The following LARGE1 variants were observed in gnomAD, a reference collection of about 807,000 sequenced individuals.
LARGE1 encodes LARGE xylosyl- and glucuronyltransferase 1.
In LARGE1, 43 loss-of-function variants were observed where a neutral mutation model predicts 87.6. The observed-to-expected ratio is 0.49, with a 90% CI of 0.38 to 0.63. LARGE1 has a LOEUF of 0.63. Ranked by LOEUF, LARGE1 falls within the 30% of genes least tolerant of loss-of-function variation. The pLI is 0.00. For missense variants in LARGE1, 802 were observed against 1,000.2 expected, an observed-to-expected ratio of 0.80 and a Z score of 2.67; for synonymous variants, 434 against 394.6, an observed-to-expected ratio of 1.10 and a Z score of -1.18.
At chr22:33,478,341 C>A (rs1476636123) in intron 6 of LARGE1, among the ~76,000 whole-genome samples, 3 of 152,220 alleles carry the variant, frequency 2.0e-5, no homozygotes, top group Non-Finnish European at 4.4e-5. Context: ...CAGGCTTAAA[C>A]CAGTTTCACC....
intron 9 of LARGE1, among the ~76,000 whole-genome samples, chr22:33,374,455 CTA>C (rs1367502621): frequency 1.3e-5 from 2 of 152,180 alleles, no homozygotes; most frequent in African/African-American, 4.8e-5. Flanking sequence ...GTAAGTTTCT[CTA>C]TCGTCTTTTG....
At chr22:33,542,225 C>T (rs2077233867) in intron 6 of LARGE1, among the ~76,000 whole-genome samples, 1 of 150,716 alleles carries the variant, frequency 6.6e-6, no homozygotes, top group African/African-American at 2.4e-5. Context: ...CCAGATCTGT[C>T]TCCAGAGATA....
chr22:33,242,119 A>G (rs1484942272), intron 11 of LARGE1, among the ~76,000 whole-genome samples: 2 of 152,126 alleles, frequency 1.3e-5, no homozygotes, highest in African/African-American at 4.8e-5. Flanking sequence ...CAATAAATAT[A>G]TTTAAAATAT....
At chr22:33,567,014 A>T (rs1313478892) in intron 5 of LARGE1, among the ~76,000 whole-genome samples, 1 of 152,152 alleles carries the variant, frequency 6.6e-6, no homozygotes, top group East Asian at 1.9e-4. Context: ...GTGGGGAAAA[A>T]GGACAGAAGT....
intron 11 of LARGE1, among the ~76,000 whole-genome samples, chr22:33,307,309 A>G (rs546063437): frequency 6.6e-6 from 1 of 152,352 alleles, no homozygotes; most frequent in East Asian, 1.9e-4. Context: ...TCACGCAGTT[A>G]CAAAGTGAAG....
the LARGE1 span, among the ~76,000 whole-genome samples, chr22:33,140,123 T>C: frequency 1.3e-5 from 2 of 152,274 alleles, no homozygotes; most frequent in East Asian, 3.9e-4. Flanking sequence ...AAGGGCTTGG[T>C]GGAAGAACTC....
chr22:33,462,450 G>GA (rs958963390), intron 6 of LARGE1, among the ~76,000 whole-genome samples: 24 of 150,466 alleles, frequency 1.6e-4, no homozygotes, highest in South Asian at 4.2e-4. Flanking sequence ...AGAATAGTGA[G>GA]AAAAAAAAAC....
chr22:33,179,084 C>T (rs11913307), intron 11 of LARGE1, among the ~76,000 whole-genome samples: 34 of 152,178 alleles, frequency 2.2e-4, no homozygotes, highest in African/African-American at 8.0e-4. Context: ...CCAACAGTCC[C>T]ATCATGGGGG....
intron 1 of LARGE1, among the ~76,000 whole-genome samples, chr22:33,807,350 C>G (rs1383817031): frequency 6.6e-6 from 1 of 152,156 alleles, no homozygotes; most frequent in Non-Finnish European, 1.5e-5. Context: ...CTTTCGTAAC[C>G]AGGTCTTTAG....
intron 1 of LARGE1, among the ~76,000 whole-genome samples, chr22:33,783,133 T>C (rs181666941): frequency 1.6e-4 from 25 of 152,232 alleles, no homozygotes; most frequent in Admixed American, 1.2e-3. Flanking sequence ...GCTTGTTTTC[T>C]AGGTCTCCTA....
intron 7 of LARGE1, among the ~76,000 whole-genome samples, chr22:33,390,169 T>A (rs1322315956): frequency 1.3e-5 from 2 of 152,184 alleles, no homozygotes; most frequent in Non-Finnish European, 2.9e-5. Flanking sequence ...TTCCAGAACG[T>A]TTACTAAATA....
chr22:33,523,890 T>C (rs1001432456), intron 6 of LARGE1, among the ~76,000 whole-genome samples: 3 of 152,176 alleles, frequency 2.0e-5, no homozygotes, highest in Admixed American at 6.5e-5. Flanking sequence ...ACAATATGTG[T>C]GTATAGTTCT....
At chr22:33,278,104 T>C (rs1929692480) in intron 13 of LARGE1, among the ~76,000 whole-genome samples, 1 of 152,310 alleles carries the variant, frequency 6.6e-6, no homozygotes, top group East Asian at 1.9e-4. Flanking sequence ...AAATGGGAGA[T>C]GATTGAATCA....
chr22:33,262,949 G>T (rs955572219), intron 11 of LARGE1, among the ~76,000 whole-genome samples: 1 of 150,814 alleles, frequency 6.6e-6, no homozygotes, highest in African/African-American at 2.4e-5. Flanking sequence ...TTGGACTGCA[G>T]TGGACTGATC....
intron 6 of LARGE1, among the ~76,000 whole-genome samples, chr22:33,519,132 C>T (rs1174244528): frequency 6.6e-6 from 1 of 152,208 alleles, no homozygotes; most frequent in Non-Finnish European, 1.5e-5. Context: ...CATGGATATG[C>T]TCAAGCTGAA....
chr22:33,761,312 A>G, intron 2 of LARGE1, 59 bp downstream of exon 2: 3 of 1,305,784 alleles, frequency 2.3e-6, no homozygotes, highest in East Asian at 2.3e-5. Context: ...CTAGGGTTCT[A>G]TGACAGCTAA....
chr22:33,343,384 G>A (rs6518819), intron 9 of LARGE1, among the ~76,000 whole-genome samples: 1 of 151,774 alleles, frequency 6.6e-6, no homozygotes, highest in African/African-American at 2.4e-5. Flanking sequence ...CCTCCCAAAC[G>A]GCTAGGATTA....
At chr22:33,843,208 G>C (rs1425134979) in intron 1 of LARGE1, among the ~76,000 whole-genome samples, 2 of 152,066 alleles carry the variant, frequency 1.3e-5, no homozygotes, top group African/African-American at 2.4e-5. Flanking sequence ...GAACATCTTT[G>C]TTCAGTATAC....
chr22:33,355,280 T>C (rs1282316587), intron 9 of LARGE1, among the ~76,000 whole-genome samples: 1 of 152,226 alleles, frequency 6.6e-6, no homozygotes, highest in Non-Finnish European at 1.5e-5. Flanking sequence ...GTTCACATTA[T>C]GTGGAAATTA....
Sources: gnomAD v4.1 joint callset for allele counts (sites outside exome capture counted in the v4.1 genomes callset) on GRCh38, gnomAD v4.1.1 for gene constraint, MANE v1.5 for transcripts, NCBI Gene and HGNC (gene_info 2026-07-23, HGNC 2026-07-21) for gene names.